TCF25: variants seen among roughly 807,000 people sequenced by gnomAD.
TCF25 encodes ribosome quality control complex subunit TCF25.
In TCF25, 41 loss-of-function variants were observed where a neutral mutation model predicts 83.1. The ratio of observed to expected loss-of-function variants is 0.49; its 90% CI spans 0.38 to 0.64. The LOEUF (loss-of-function observed/expected upper bound fraction) is 0.64, where lower values mean the gene tolerates loss of function less well. TCF25 is among the 30% of genes least tolerant of loss of function. The probability of loss-of-function intolerance (pLI) is 0.00; values close to 1 mark genes in which losing one functional copy is unlikely to be tolerated. For missense variants in TCF25, 979 were observed against 914.5 expected (o/e 1.07, Z -0.91); for synonymous variants, 458 against 365.0 (o/e 1.25, Z -2.90).
chr16:89,883,279 A>G, intron 1 of TCF25, 72 bp from the exon 2 acceptor site: 2 of 1,567,738 alleles, frequency 1.3e-6, no homozygotes, highest in Non-Finnish European at 1.7e-6. Flanking sequence ...TTCACATCTC[A>G]CTATTCATAT....
chr16:89,894,137 G>C (rs983348779), intron 7 of TCF25, among the ~76,000 whole-genome samples: 1 of 152,160 alleles, frequency 6.6e-6, no homozygotes, highest in Non-Finnish European at 1.5e-5. Context: ...TGTGATGCAG[G>C]CCCAGGACTC....
intron 1 of TCF25, among the ~76,000 whole-genome samples, chr16:89,879,284 CGT>C (rs1185435213): frequency 2.2e-4 from 31 of 143,016 alleles, no homozygotes; most frequent in Non-Finnish European, 3.6e-4. Context: ...ACGTGTTGTC[CGT>C]GTACACAGAC....
At chr16:89,906,386 C>T (rs2044785176) in intron 15 of TCF25, 102 bp downstream of exon 15, 3 of 1,149,230 alleles carry the variant, frequency 2.6e-6, no homozygotes, top group East Asian at 2.5e-5. Flanking sequence ...GTGCGGGCTC[C>T]CTCAGCAGCC....
At chr16:89,911,043 A>G (rs1416795468) in intron 17 of TCF25, 37 bp from the exon 18 acceptor site, 1 of 1,606,664 alleles carries the variant, frequency 6.2e-7, no homozygotes, top group African/African-American at 1.3e-5. Flanking sequence ...GTCCCAGCAC[A>G]GACAGCCCCC....
At chr16:89,880,709 T>C (rs1424117842) in intron 1 of TCF25, among the ~76,000 whole-genome samples, 2 of 152,184 alleles carry the variant, frequency 1.3e-5, no homozygotes, top group Non-Finnish European at 2.9e-5. Flanking sequence ...GGCAACACAG[T>C]GAGACCCTAT....
At chr16:89,887,147 C>G (rs1024753353) in intron 4 of TCF25, among the ~76,000 whole-genome samples, 1 of 151,966 alleles carries the variant, frequency 6.6e-6, no homozygotes, top group Admixed American at 6.6e-5. Flanking sequence ...GATTCTCTTG[C>G]CTCAGTCTCC....
intron 5 of TCF25, 139 bp downstream of exon 5, chr16:89,887,856 G>C (rs968112885): frequency 4.0e-6 from 3 of 740,768 alleles, no homozygotes; most frequent in Admixed American, 3.7e-5. Flanking sequence ...CCTTAGAATT[G>C]GGGTCTGAAT....
Position 89,900,682 on chromosome 16 carries a change from A to G in TCF25, c.1269A>G (p.Pro423=), listed in dbSNP as rs201090603. 60 of 1,603,744 alleles carry G rather than the reference A, an allele frequency of 3.7e-5. No homozygotes were observed. Among genetic ancestry groups the G allele is most frequent in the Middle Eastern group, 1.7e-4 (1 of 6,036 alleles). ...TCCCTAATTTTGCCTTCTCTGTTCC[A>G]CTGGCGTATTTCCTGCTGAGCCAGC... is the stretch of plus-strand genomic sequence containing the variant. ...SQLPNFAFSV[P]LAYFLLSQQT... is the part of the protein sequence containing the mutation. The change falls in exon 12 of 18, where the codon CCA becomes CCG. Residue 423 remains proline (P), a synonymous_variant. Coordinates refer to ENST00000263346, the MANE Select transcript of TCF25 (RefSeq NM_014972.3).
chr16:89,906,082 A>C (rs899705177), intron 14 of TCF25, 112 bp from the exon 15 acceptor site: 2 of 884,010 alleles, frequency 2.3e-6, no homozygotes, highest in African/African-American at 3.3e-5. Context: ...CAGCCACCAG[A>C]GATGCAGCGA....
rs1461719021 is a variant in TCF25, at chr16:89,895,015, A to G, written c.829-23A>G. 3.7e-6 allele frequency: 6 copies of G among 1,607,080 alleles called. No individual in the cohort carries two copies. In the African/African-American group the frequency reaches 6.7e-5, roughly 18 times the overall value. ...GGGCCTTGCTGAGTGCCTTTCCTCC[A>G]GGGCTGTCCTCCCTTCTGGTAGGTT... On this transcript the variant is annotated intron_variant, in intron 7 of 17. Transcript: ENST00000263346.
At chr16:89,892,790 A>G (rs578036136) in intron 6 of TCF25, among the ~76,000 whole-genome samples, 34 of 152,328 alleles carry the variant, frequency 2.2e-4, no homozygotes, top group African/African-American at 7.9e-4. Flanking sequence ...GGCCTTCCAC[A>G]CTGGCCTCCA....
At chr16:89,905,311 G>A (rs558517738) in intron 14 of TCF25, among the ~76,000 whole-genome samples, 6 of 152,160 alleles carry the variant, frequency 3.9e-5, no homozygotes, top group African/African-American at 1.2e-4. Context: ...GCAGGGTACC[G>A]AGCTGCTGTT....
chr16:89,889,229 G>T, intron 5 of TCF25: 1 of 397,668 alleles, frequency 2.5e-6, no homozygotes, highest in Non-Finnish European at 4.9e-6. Flanking sequence ...ATTTTTTAGA[G>T]ACAGGGTCTT....
intron 1 of TCF25, among the ~76,000 whole-genome samples, chr16:89,879,362 G>T (rs1001793450): frequency 6.7e-6 from 1 of 150,300 alleles, no homozygotes; most frequent in African/African-American, 2.5e-5. Flanking sequence ...TGTCACACGT[G>T]CTGTCCGTGT....
chr16:89,890,825 C>T (rs1414276559), intron 5 of TCF25, among the ~76,000 whole-genome samples: 1 of 151,780 alleles, frequency 6.6e-6, no homozygotes, highest in Non-Finnish European at 1.5e-5. Context: ...ACAATAATTG[C>T]CTTTATTATT....
At chr16:89,909,236 G>A (rs1250697040) in intron 16 of TCF25, 5 of 1,027,080 alleles carry the variant, frequency 4.9e-6, no homozygotes, top group East Asian at 6.1e-5. Flanking sequence ...AGCCAGCTGG[G>A]TGCAGTGACT....
Position 89,911,182 on chromosome 16 carries a change from A to G in TCF25, c.1975A>G (p.Asn659Asp). ...VRDMMANFHL[N>D]DLEAPHEDDA... ...CGACATGATGGCCAACTTCCACCTC[A>G]ACGACCTGGAGGCGCCGCACGAGGA... The change falls in exon 18 of 18, where the codon AAC becomes GAC. Residue 659 changes from asparagine (N) to aspartate (D), a missense_variant. Coordinates refer to ENST00000263346, the MANE Select transcript of TCF25 (RefSeq NM_014972.3). 1 of 1,612,336 alleles carries G rather than the reference A, an allele frequency of 6.2e-7. No individual in the cohort carries two copies. The highest frequency in any genetic ancestry group is 8.5e-7 in the Non-Finnish European group (1 of 1,179,926).
In TCF25 at chr16:89,884,490, T is replaced by TA. The variant is rs1384365835; in HGVS notation, c.355-91dup. On this transcript the variant is annotated intron_variant, in intron 2 of 17. Transcript: ENST00000263346. ...CACGGAGGGAGAGGTAGGGGCTGCT[T>TA]AGGTGAGGGTGGAGTCACGCTTGCT... 3 of 1,335,890 alleles carry TA rather than the reference T, an allele frequency of 2.2e-6. No homozygotes were observed. The African/African-American group carries it at 4.4e-5, about 20-fold the overall frequency. 82.8% of individuals were successfully genotyped at this position (1,335,890 alleles called of 1,614,324 possible).
intron 13 of TCF25, 129 bp downstream of exon 13, chr16:89,904,334 C>G (rs556150593): frequency 1.9e-6 from 2 of 1,031,342 alleles, no homozygotes; most frequent in Admixed American, 4.2e-5. Flanking sequence ...GTGGCGGCCT[C>G]GGGGACTGTC....
Sources: gnomAD v4.1 joint callset for allele counts (sites outside exome capture counted in the v4.1 genomes callset) on GRCh38, gnomAD v4.1.1 for gene constraint, MANE v1.5 for transcripts, NCBI Gene and HGNC (gene_info 2026-07-23, HGNC 2026-07-21) for gene names.